The following ADH1A variants were observed in gnomAD, a reference collection of about 807,000 sequenced individuals.
ADH1A encodes alcohol dehydrogenase 1A (class I), alpha polypeptide, also known as alcohol dehydrogenase 1A.
In ADH1A, 29 loss-of-function variants were observed where a neutral mutation model predicts 35.2. The ratio of observed to expected loss-of-function variants is 0.82; its 90% confidence interval spans 0.61 to 1.12. The LOEUF (loss-of-function observed/expected upper bound fraction) is 1.12, where lower values mean the gene tolerates loss of function less well. ADH1A is among the 50% of genes most tolerant of loss of function. ADH1A has a pLI of 0.00. For missense variants in ADH1A, 469 were observed against 464.7 expected, an observed-to-expected ratio of 1.01 and a Z score of -0.09; for synonymous variants, 147 against 164.8, an observed-to-expected ratio of 0.89 and a Z score of 0.83.
At position 99,282,600 on chromosome 4, in the gene ADH1A, G is replaced by A. The variant is rs1345357273; in HGVS notation, c.574C>T (p.Pro192Ser). 6.2e-7 allele frequency: 1 copy of A among 1,611,106 alleles called. No homozygotes were observed. Among genetic ancestry groups the A allele is most frequent in the Non-Finnish European group, 8.5e-7 (1 of 1,178,766 alleles). Residue 192 changes from proline to serine, a missense_variant, in exon 6 of 9, where the codon CCA (proline) becomes TCA (serine). Transcript: ENST00000209668. ...CCAAACACAGCACAGGTAGAGCCTG[G>A]GGTGACCTGTGTTTTCAGAAAATGC... ...GSAVNVAKVT[P>S]GSTCAVFGLG...
intron 8 of ADH1A, among the ~76,000 whole-genome samples, chr4:99,277,704 A>G (rs1474700185): frequency 1.3e-5 from 2 of 152,134 alleles, no homozygotes; most frequent in Non-Finnish European, 2.9e-5. Context: ...AGCCTAAATT[A>G]TATCATGAGA....
At chr4:99,277,765 A>G (rs1389674120) in intron 8 of ADH1A, among the ~76,000 whole-genome samples, 1 of 152,124 alleles carries the variant, frequency 6.6e-6, no homozygotes, top group Non-Finnish European at 1.5e-5. Flanking sequence ...TTTCTAATAG[A>G]TGATTGGAAT....
At chr4:99,282,154 C>G (rs1733021559) in intron 6 of ADH1A, 192 bp downstream of exon 6, 2 of 1,052,092 alleles carry the variant, frequency 1.9e-6, no homozygotes, top group Non-Finnish European at 2.7e-6. Flanking sequence ...TGACTTGAGA[C>G]ACGTTTGCAT....
At chr4:99,276,698 T>A (rs1732876823) in intron 8 of ADH1A, 50 bp from the exon 9 acceptor site, 1 of 1,534,918 alleles carries the variant, frequency 6.5e-7, no homozygotes, top group Non-Finnish European at 9.0e-7. Flanking sequence ...CATGCTTCCA[T>A]GTGAGAGTCC....
In ADH1A at chr4:99,282,503, T is replaced by C; in HGVS notation, c.671A>G (p.Asp224Gly). 3.1e-6 allele frequency: 5 copies of C among 1,614,192 alleles called. No individual in the cohort carries two copies. Among genetic ancestry groups the C allele is most frequent in the Non-Finnish European group, 4.2e-6 (5 of 1,180,040 alleles). ...CTTTGCAAATTTGTCCTTGTTGATG[T>C]CCACCGCAATGATTCTGGCTGCCCC... ...AAGAARIIAV[D>G]INKDKFAKAK... Residue 224 changes from aspartate to glycine, a missense_variant, in exon 6 of 9, where the codon GAC becomes GGC. Transcript: ENST00000209668.
chr4:99,289,860 A>G lies in ADH1A; in HGVS notation c.18+1037T>C, dbSNP rs183212355. Reference sequence around the variant, plus strand: ...TAATTGTTTTCTATGTGGAATGTACATATTAATCAGTAATGAATGAAAGTA... The same window carrying G: ...TAATTGTTTTCTATGTGGAATGTACGTATTAATCAGTAATGAATGAAAGTA... On this transcript the variant is annotated intron_variant, in intron 1 of 8. Transcript: ENST00000209668. 3.3e-3 allele frequency among the ~76,000 whole-genome samples: 504 copies of G among 152,314 alleles called. 3 individuals are homozygous for G. The highest frequency in any genetic ancestry group is 0.012 in the African/African-American group (487 of 41,580).
At chr4:99,287,869 T>A (rs1292388531) in intron 1 of ADH1A, among the ~76,000 whole-genome samples, 1 of 152,210 alleles carries the variant, frequency 6.6e-6, no homozygotes, top group African/African-American at 2.4e-5. Context: ...AACAGTTAAC[T>A]ATAACAACAC....
chr4:99,289,814 TG>T (rs1403421382), intron 1 of ADH1A, among the ~76,000 whole-genome samples: 2 of 152,202 alleles, frequency 1.3e-5, no homozygotes, highest in Non-Finnish European at 1.5e-5. Flanking sequence ...AAGTTGAGTT[TG>T]GTAAATTTAA....
At chr4:99,286,738 G>A (rs1733160945) in intron 3 of ADH1A, 112 bp downstream of exon 3, 4 of 1,521,916 alleles carry the variant, frequency 2.6e-6, no homozygotes, top group Non-Finnish European at 3.5e-6. Flanking sequence ...AGTCCTGGCT[G>A]CGCGGTGACC....
intron 1 of ADH1A, 43 bp from the exon 2 acceptor site, chr4:99,287,708 C>A: frequency 6.2e-7 from 1 of 1,602,212 alleles, no homozygotes. Flanking sequence ...TTCTCCCACG[C>A]TTGCAGTCAG....
At chr4:99,287,122 A>G in intron 2 of ADH1A, 134 bp from the exon 3 acceptor site, 1 of 1,139,804 alleles carries the variant, frequency 8.8e-7, no homozygotes, top group Non-Finnish European at 1.2e-6. Context: ...CCAAGTATGA[A>G]AGATTCAGTT....
chr4:99,290,279 G>C (rs1733261223), intron 1 of ADH1A, among the ~76,000 whole-genome samples: 1 of 152,108 alleles, frequency 6.6e-6, no homozygotes, highest in Admixed American at 6.5e-5. Context: ...GGAAGATACT[G>C]TTCCATAGGA....
intron 5 of ADH1A, 78 bp from the exon 6 acceptor site, chr4:99,282,684 C>G (rs1733038353): frequency 1.3e-6 from 2 of 1,542,908 alleles, no homozygotes; most frequent in Admixed American, 2.1e-5. Context: ...AAAAGCTGCT[C>G]AAACTCTTCT....
intron 2 of ADH1A, among the ~76,000 whole-genome samples, 160 bp downstream of exon 2, chr4:99,287,404 T>G (rs907911213): frequency 1.3e-5 from 2 of 152,256 alleles, no homozygotes; most frequent in African/African-American, 4.8e-5. Flanking sequence ...GGAATTACAC[T>G]GTGTGCACTT....
rs752963066 is a variant in ADH1A, at chr4:99,280,164, C to A, written c.944G>T (p.Trp315Leu). 1 of 1,613,776 alleles carries A rather than the reference C, an allele frequency of 6.2e-7. No homozygotes were observed. Among genetic ancestry groups the A allele is most frequent in the East Asian group, 2.2e-5 (1 of 44,864 alleles). Residue 315 changes from tryptophan (W) to leucine (L), a missense_variant, in exon 7 of 9, where the codon TGG becomes TTG. Physicochemically the swap from Trp to Leu is moderately conservative, Grantham distance 61 (BLOSUM62 -2). Coordinates refer to ENST00000209668, the MANE Select transcript of ADH1A (RefSeq NM_000667.4). ...CATACCACCAAGAATAGCTCCCTTCCAGGTACGTCCAGTCAGTAGCAGCAT... is the reference window on the plus strand; with the variant it reads ...CATACCACCAAGAATAGCTCCCTTCAAGGTACGTCCAGTCAGTAGCAGCAT... ...NPMLLLTGRT[W>L]KGAILGGFKS... is the part of the protein sequence containing the mutation.
chr4:99,289,023 G>T (rs1733226589), intron 1 of ADH1A, among the ~76,000 whole-genome samples: 1 of 151,916 alleles, frequency 6.6e-6, no homozygotes, highest in Admixed American at 6.6e-5. Flanking sequence ...TCATGCCTTT[G>T]CATCCTCATA....
In ADH1A at chr4:99,286,873, TCTC is replaced by T; in HGVS notation, c.233_235del (p.Gly78del). On this transcript the variant is annotated inframe_deletion, in exon 3 of 9. Transcript: ENST00000209668. ...ACCTGGTTTGACTGTAGTCACCCCTTCTCCAACACTCTCCACGATGCCGGCTGC... is the reference window on the plus strand; with the variant it reads ...ACCTGGTTTGACTGTAGTCACCCCTTCAACACTCTCCACGATGCCGGCTGC... 1 of 1,614,124 alleles carries T rather than the reference TCTC, an allele frequency of 6.2e-7. No homozygotes were observed. Among genetic ancestry groups the T allele is most frequent in the South Asian group, 1.1e-5 (1 of 91,072 alleles).
rs758286811 is a variant in ADH1A, at chr4:99,284,590, C to T, written c.376G>A (p.Asp126Asn). Residue 126 changes from aspartate (D) to asparagine (N), a missense_variant, in exon 5 of 9, where the codon GAT (aspartate) becomes AAT (asparagine). By Grantham distance (23) the Asp-to-Asn change is conservative (BLOSUM62 1). Transcript: ENST00000209668. ...DVSNPQGTLQ[D>N]GTSRFTCRRK... Reference sequence around the variant, plus strand: ...CTGCAGGTGAACCTGCTGGTGCCATCCTGCAGGGTCCCCTGAGGATTGCTT... The same window carrying T: ...CTGCAGGTGAACCTGCTGGTGCCATTCTGCAGGGTCCCCTGAGGATTGCTT... 26 of 1,614,052 alleles carry T rather than the reference C, an allele frequency of 1.6e-5. No individual in the cohort carries two copies. The highest frequency in any genetic ancestry group is 2.7e-5 in the African/African-American group (2 of 74,918).
At chr4:99,285,896 CCTGT>C (rs1337041642) in intron 3 of ADH1A, among the ~76,000 whole-genome samples, 14 of 151,742 alleles carry the variant, frequency 9.2e-5, no homozygotes, top group African/African-American at 3.4e-4. Flanking sequence ...GTGGCGGGCA[CCTGT>C]GGCCCCAGAT....
Sources: allele counts gnomAD v4.1 joint callset (sites outside exome capture counted in the v4.1 genomes callset), GRCh38; gene constraint gnomAD v4.1.1; transcripts MANE v1.5; gene names NCBI Gene and HGNC (gene_info 2026-07-23, HGNC 2026-07-21).